RIT2: variants seen among roughly 807,000 people sequenced by gnomAD.
The protein encoded by RIT2 is Ras like without CAAX 2.
In RIT2, 24 loss-of-function variants were observed where a neutral mutation model predicts 23.7. The ratio of observed to expected loss-of-function variants is 1.01; its 90% confidence interval spans 0.73 to 1.43. The LOEUF is 1.43. RIT2 is among the 40% of genes most tolerant of loss of function. The pLI is 0.00. For missense variants in RIT2, 236 were observed against 266.9 expected (o/e 0.88, Z 0.81); for synonymous variants, 107 against 91.1 (o/e 1.17, Z -0.99).
chr18:42,752,622 A>G (rs1913072928), intron 4 of RIT2, among the ~76,000 whole-genome samples: 1 of 152,094 alleles, frequency 6.6e-6, no homozygotes, highest in East Asian at 1.9e-4. Context: ...TTCTGTACAT[A>G]TTTAGTTGAT....
intron 3 of RIT2, among the ~76,000 whole-genome samples, chr18:42,950,971 A>G (rs1200964333): frequency 1.3e-5 from 2 of 152,116 alleles, no homozygotes; most frequent in East Asian, 3.9e-4. Flanking sequence ...TACTGGTGGG[A>G]AAGGAAATTA....
intron 4 of RIT2, among the ~76,000 whole-genome samples, chr18:42,887,039 T>G (rs575661113): frequency 4.6e-5 from 7 of 152,314 alleles, no homozygotes; most frequent in African/African-American, 1.7e-4. Flanking sequence ...AGAGTACTTT[T>G]AGTAACAAAA....
intron 1 of RIT2, among the ~76,000 whole-genome samples, chr18:43,059,740 CTG>C (rs1912598446): frequency 6.6e-6 from 1 of 151,994 alleles, no homozygotes; most frequent in Non-Finnish European, 1.5e-5. Flanking sequence ...TCCAGTTAAA[CTG>C]TGACTTTCTT....
intron 4 of RIT2, among the ~76,000 whole-genome samples, chr18:42,756,775 T>A (rs1275813672): frequency 3.3e-5 from 5 of 152,132 alleles, no homozygotes; most frequent in Admixed American, 3.3e-4. Context: ...TTCAGGGGAT[T>A]GGTTATTGTG....
intron 1 of RIT2, among the ~76,000 whole-genome samples, chr18:43,057,923 C>T (rs1912548079): frequency 6.6e-6 from 1 of 151,534 alleles, no homozygotes. Flanking sequence ...GCCTGGGCAA[C>T]ACATAATAGA....
intron 4 of RIT2, among the ~76,000 whole-genome samples, chr18:42,818,238 A>T (rs1159135008): frequency 6.6e-6 from 1 of 152,090 alleles, no homozygotes; most frequent in Non-Finnish European, 1.5e-5. Flanking sequence ...TGATACACAC[A>T]GTTAAAATAT....
At chr18:43,055,333 G>C (rs1477520549) in intron 1 of RIT2, among the ~76,000 whole-genome samples, 6 of 152,074 alleles carry the variant, frequency 3.9e-5, no homozygotes, top group Non-Finnish European at 8.8e-5. Flanking sequence ...CTTGATGGAT[G>C]TCTGGTGATG....
At chr18:42,748,901 T>C (rs2143879345) in intron 4 of RIT2, among the ~76,000 whole-genome samples, 1 of 152,006 alleles carries the variant, frequency 6.6e-6, no homozygotes, top group East Asian at 1.9e-4. Flanking sequence ...CCTCAAAACC[T>C]ATTGAAATAA....
chr18:43,079,695 C>T (rs943416676), intron 1 of RIT2, among the ~76,000 whole-genome samples: 3 of 152,110 alleles, frequency 2.0e-5, no homozygotes, highest in African/African-American at 7.2e-5. Flanking sequence ...ATATTTTAAG[C>T]GTCAGCAATA....
At chr18:42,775,556 T>G (rs999383204) in intron 4 of RIT2, among the ~76,000 whole-genome samples, 3 of 151,774 alleles carry the variant, frequency 2.0e-5, no homozygotes, top group Admixed American at 6.6e-5. Flanking sequence ...AATTAGCCGG[T>G]CGTGGTGGCG....
At chr18:42,857,168 A>T (rs1907209458) in intron 4 of RIT2, among the ~76,000 whole-genome samples, 1 of 152,228 alleles carries the variant, frequency 6.6e-6, no homozygotes. Flanking sequence ...ACTAGCATCT[A>T]GTCAGGAGAG....
At chr18:42,805,881 T>C (rs944313099) in intron 4 of RIT2, among the ~76,000 whole-genome samples, 4 of 152,118 alleles carry the variant, frequency 2.6e-5, no homozygotes, top group African/African-American at 9.7e-5. Flanking sequence ...TTTTGAGAAA[T>C]TGTCTACCAG....
intron 4 of RIT2, among the ~76,000 whole-genome samples, chr18:42,906,014 ATATATATG>A (rs1231603063): frequency 7.5e-4 from 98 of 131,274 alleles, no homozygotes; most frequent in African/African-American, 3.2e-3. Context: ...ATACATATAT[ATATATATG>A]TATATATATA....
chr18:42,776,631 A>C (rs1054849253), intron 4 of RIT2, among the ~76,000 whole-genome samples: 1 of 152,210 alleles, frequency 6.6e-6, no homozygotes. Context: ...TTATGAAGTA[A>C]TACTAGTATC....
At chr18:42,872,141 G>A (rs1490196763) in intron 4 of RIT2, among the ~76,000 whole-genome samples, 1 of 152,066 alleles carries the variant, frequency 6.6e-6, no homozygotes, top group African/African-American at 2.4e-5. Context: ...AGGATTTTTG[G>A]ACTTTTTTCT....
At chr18:42,999,116 C>G (rs557893841) in intron 2 of RIT2, among the ~76,000 whole-genome samples, 58 of 152,124 alleles carry the variant, frequency 3.8e-4, no homozygotes, top group African/African-American at 1.4e-3. Context: ...AAATTTACAA[C>G]TAAAGAGACA....
intron 4 of RIT2, among the ~76,000 whole-genome samples, chr18:42,855,523 T>C (rs1241772354): frequency 6.6e-6 from 1 of 152,178 alleles, no homozygotes; most frequent in Non-Finnish European, 1.5e-5. Flanking sequence ...GAAAATGGAA[T>C]AAATTCATCT....
intron 1 of RIT2, among the ~76,000 whole-genome samples, chr18:43,048,627 T>C (rs2144305895): frequency 6.6e-6 from 1 of 152,282 alleles, no homozygotes; most frequent in East Asian, 1.9e-4. Flanking sequence ...AATCGTAAGT[T>C]CTTGATAAAC....
At chr18:42,989,015 A>C (rs751749875) in intron 2 of RIT2, among the ~76,000 whole-genome samples, 1 of 152,216 alleles carries the variant, frequency 6.6e-6, no homozygotes, top group African/African-American at 2.4e-5. Context: ...AGCTTGCTGA[A>C]TATGAAGTTT....
Sources: allele counts gnomAD v4.1 joint callset (sites outside exome capture counted in the v4.1 genomes callset), GRCh38; gene constraint gnomAD v4.1.1; transcripts MANE v1.5; gene names NCBI Gene and HGNC (gene_info 2026-07-23, HGNC 2026-07-21).